The following VWC2 variants were observed in gnomAD, a reference collection of about 807,000 sequenced individuals.
VWC2 encodes brorin.
A neutral mutation model predicts 29.8 loss-of-function variants in VWC2; 14 were observed. That is an observed-to-expected ratio of 0.47 (90% CI 0.31 to 0.74). The LOEUF (loss-of-function observed/expected upper bound fraction) is 0.74. VWC2 is among the 30% of genes least tolerant of loss of function. The pLI is 0.05. For missense variants in VWC2, 457 were observed against 459.8 expected (o/e 0.99, Z 0.05); for synonymous variants, 213 against 199.0 (o/e 1.07, Z -0.59).
At chr7:49,810,699 C>T (rs989688568) in intron 3 of VWC2, among the ~76,000 whole-genome samples, 8 of 152,042 alleles carry the variant, frequency 5.3e-5, no homozygotes, top group African/African-American at 1.4e-4. Context: ...TTGACAGTCC[C>T]GAAAGAAATC....
chr7:49,804,059 C>CT (rs1254983850), intron 3 of VWC2, among the ~76,000 whole-genome samples: 1 of 151,778 alleles, frequency 6.6e-6, no homozygotes, highest in African/African-American at 2.4e-5. Flanking sequence ...ACAGAGTGTA[C>CT]TTTATATAGG....
intron 2 of VWC2, among the ~76,000 whole-genome samples, chr7:49,779,810 C>A (rs1410819063): frequency 1.3e-5 from 2 of 152,170 alleles, no homozygotes; most frequent in East Asian, 1.9e-4. Context: ...TCTTCCGAGG[C>A]CTCTCTCCTT....
intron 2 of VWC2, among the ~76,000 whole-genome samples, chr7:49,781,921 G>A (rs1038756161): frequency 6.6e-6 from 1 of 152,150 alleles, no homozygotes; most frequent in Non-Finnish European, 1.5e-5. Context: ...GGGGGAATGA[G>A]TCCAGGGGGC....
chr7:49,879,535 A>C (rs112897527), intron 3 of VWC2, among the ~76,000 whole-genome samples: 2,747 of 152,224 alleles, frequency 0.018, 78 homozygotes, highest in African/African-American at 0.063. Context: ...GCGTTAGTCC[A>C]TGGTAGGGCC....
intron 3 of VWC2, among the ~76,000 whole-genome samples, chr7:49,880,995 G>T (rs1473281776): frequency 6.6e-6 from 1 of 152,114 alleles, no homozygotes; most frequent in Non-Finnish European, 1.5e-5. Flanking sequence ...TCCATCCTTT[G>T]TACAATAAGT....
intron 3 of VWC2, among the ~76,000 whole-genome samples, chr7:49,808,435 G>A (rs1309855360): frequency 6.6e-6 from 1 of 152,038 alleles, no homozygotes; most frequent in Non-Finnish European, 1.5e-5. Context: ...AATTGTAGTT[G>A]CAAATTCTGA....
chr7:49,827,153 C>T (rs2128710568), intron 3 of VWC2, among the ~76,000 whole-genome samples: 1 of 152,110 alleles, frequency 6.6e-6, no homozygotes, highest in Admixed American at 6.5e-5. Flanking sequence ...TCTGTTAATA[C>T]AGTTATGTCA....
intron 3 of VWC2, among the ~76,000 whole-genome samples, chr7:49,895,181 C>G (rs995296078): frequency 1.3e-5 from 2 of 152,136 alleles, no homozygotes; most frequent in Non-Finnish European, 2.9e-5. Context: ...GGTGTCTTGC[C>G]ATGGTAGCGT....
chr7:49,902,050 A>G (rs182747071), intron 3 of VWC2, among the ~76,000 whole-genome samples: 4 of 152,106 alleles, frequency 2.6e-5, no homozygotes, highest in Admixed American at 2.6e-4. Flanking sequence ...AATAGATTAT[A>G]TACCTACATG....
At chr7:49,792,364 G>A (rs1033659667) in intron 2 of VWC2, among the ~76,000 whole-genome samples, 5 of 152,148 alleles carry the variant, frequency 3.3e-5, no homozygotes, top group Non-Finnish European at 7.3e-5. Context: ...GTTAATCAGG[G>A]GCAGAATTGG....
intron 3 of VWC2, among the ~76,000 whole-genome samples, chr7:49,880,495 T>C (rs760327738): frequency 1.3e-5 from 2 of 151,884 alleles, no homozygotes; most frequent in African/African-American, 4.8e-5. Context: ...AAATTCAGCT[T>C]CTTTATTAGA....
intron 3 of VWC2, among the ~76,000 whole-genome samples, chr7:49,906,436 C>T (rs543825775): frequency 3.0e-4 from 45 of 152,102 alleles, no homozygotes; most frequent in Admixed American, 5.9e-4. Context: ...CCTGGGTTCA[C>T]GCCATTTTCC....
intron 3 of VWC2, among the ~76,000 whole-genome samples, chr7:49,829,853 G>A (rs1789485571): frequency 6.6e-6 from 1 of 152,216 alleles, no homozygotes; most frequent in African/African-American, 2.4e-5. Context: ...AGCTCTTTCT[G>A]TTAGGATGGG....
At chr7:49,805,222 C>T (rs1464836004) in intron 3 of VWC2, among the ~76,000 whole-genome samples, 1 of 152,108 alleles carries the variant, frequency 6.6e-6, no homozygotes, top group Non-Finnish European at 1.5e-5. Flanking sequence ...TGATGGTAAA[C>T]TTCTAAATGT....
intron 2 of VWC2, among the ~76,000 whole-genome samples, chr7:49,799,089 C>T (rs1490150775): frequency 6.6e-6 from 1 of 152,172 alleles, no homozygotes; most frequent in Non-Finnish European, 1.5e-5. Flanking sequence ...AAGGGCAGGG[C>T]ATTATTTTCA....
At chr7:49,805,542 G>GA (rs1442467093) in intron 3 of VWC2, among the ~76,000 whole-genome samples, 1 of 152,242 alleles carries the variant, frequency 6.6e-6, no homozygotes, top group East Asian at 1.9e-4. Context: ...CCTTGACAGG[G>GA]AAAATGGGGT....
At chr7:49,793,807 A>C (rs73108831) in intron 2 of VWC2, among the ~76,000 whole-genome samples, 22 of 152,322 alleles carry the variant, frequency 1.4e-4, no homozygotes, top group Non-Finnish European at 2.4e-4. Context: ...CTTCAAAGTT[A>C]ATAACCAACT....
intron 3 of VWC2, among the ~76,000 whole-genome samples, chr7:49,818,386 T>C (rs1013900081): frequency 3.3e-5 from 5 of 152,198 alleles, no homozygotes; most frequent in African/African-American, 1.2e-4. Flanking sequence ...GTTGTTTTTT[T>C]CTCCAGTTAA....
intron 3 of VWC2, among the ~76,000 whole-genome samples, chr7:49,882,136 A>G (rs1791692413): frequency 6.6e-6 from 1 of 152,152 alleles, no homozygotes; most frequent in Non-Finnish European, 1.5e-5. Context: ...ATACTTGAGA[A>G]AAAAACTGGT....
Sources: allele counts gnomAD v4.1 joint callset (sites outside exome capture counted in the v4.1 genomes callset), GRCh38; gene constraint gnomAD v4.1.1; transcripts MANE v1.5; gene names NCBI Gene and HGNC (gene_info 2026-07-23, HGNC 2026-07-21).